ATRNL1: variants seen among roughly 807,000 people sequenced by gnomAD.
ATRNL1 encodes attractin-like protein 1.
A neutral mutation model predicts 182.7 loss-of-function variants in ATRNL1; 95 were observed. The observed-to-expected ratio is 0.52, with a 90% CI of 0.44 to 0.62. The LOEUF (loss-of-function observed/expected upper bound fraction) is 0.62. Ranked by LOEUF, ATRNL1 falls within the 20% of genes least tolerant of loss-of-function variation. ATRNL1 has a pLI of 0.00. For missense variants in ATRNL1, 1,471 were observed against 1,679.5 expected (o/e 0.88, Z 2.17); for synonymous variants, 576 against 568.3 (o/e 1.01, Z -0.19).
At chr10:115,322,101 G>A (rs1195362114) in intron 18 of ATRNL1, among the ~76,000 whole-genome samples, 2 of 151,906 alleles carry the variant, frequency 1.3e-5, no homozygotes, top group African/African-American at 4.8e-5. Context: ...ATTTTAACTT[G>A]TTAAAATATT....
At chr10:115,229,103 G>A (rs1018640937) in intron 9 of ATRNL1, among the ~76,000 whole-genome samples, 1 of 151,978 alleles carries the variant, frequency 6.6e-6, no homozygotes, top group Admixed American at 6.6e-5. Flanking sequence ...TAAAAAGATA[G>A]GTAGTGAATC....
chr10:115,596,203 T>TCAAGCGATTCTCCTGCCTC (rs1454942908), intron 26 of ATRNL1, among the ~76,000 whole-genome samples: 1 of 152,074 alleles, frequency 6.6e-6, no homozygotes, highest in African/African-American at 2.4e-5. Flanking sequence ...CCTCCTGGGT[T>TCAAGCGATTCTCCTGCCTC]CAAGCGATTC....
chr10:115,938,794 A>T (rs572432505), intron 28 of ATRNL1, among the ~76,000 whole-genome samples: 3 of 152,194 alleles, frequency 2.0e-5, no homozygotes, highest in African/African-American at 7.2e-5. Context: ...TGTAGAATCT[A>T]AAAAAGGTGA....
chr10:115,641,130 T>A (rs534696085), intron 26 of ATRNL1, among the ~76,000 whole-genome samples: 11 of 152,252 alleles, frequency 7.2e-5, no homozygotes, highest in African/African-American at 2.4e-4. Context: ...TGCAAGCAGA[T>A]AAGAAGCATA....
chr10:115,416,436 G>C (rs926226224), intron 20 of ATRNL1, among the ~76,000 whole-genome samples: 2 of 152,064 alleles, frequency 1.3e-5, no homozygotes, highest in African/African-American at 4.8e-5. Flanking sequence ...AACCACTTTA[G>C]ATAATATATG....
chr10:115,374,487 T>TCCTTCCTTCTTTCCTTCCTTTCTTCCTC (rs1396890805), intron 19 of ATRNL1, among the ~76,000 whole-genome samples: 1 of 149,736 alleles, frequency 6.7e-6, no homozygotes, highest in Non-Finnish European at 1.5e-5. Flanking sequence ...CTTCCTTCCT[T>TCCTTCCTTCTTTCCTTCCTTTCTTCCTC]CTTTCCTTCC....
chr10:115,534,919 A>T (rs1554989721), intron 25 of ATRNL1, among the ~76,000 whole-genome samples: 2 of 152,180 alleles, frequency 1.3e-5, no homozygotes, highest in Non-Finnish European at 2.9e-5. Context: ...TTCTTTAAGA[A>T]TGTTGTCCTA....
At chr10:115,593,218 G>A (rs557364334) in intron 26 of ATRNL1, among the ~76,000 whole-genome samples, 16 of 152,258 alleles carry the variant, frequency 1.1e-4, no homozygotes, top group Non-Finnish European at 2.1e-4. Flanking sequence ...CCCTTGATAT[G>A]AACATCAATC....
Position 115,944,975 on chromosome 10 carries a change from T to A in ATRNL1, c.*196T>A, listed in dbSNP as rs947758844. On this transcript the variant is annotated 3_prime_UTR_variant, in exon 29 of 29. Transcript: ENST00000355044. ...TTATAAAAGTATTGATGGTCACAGG[T>A]GATAAAGTCAGTTTTTACCACTATC... 2 of 483,726 alleles carry A rather than the reference T, an allele frequency of 4.1e-6. No individual in the cohort carries two copies. Among genetic ancestry groups the A allele is most frequent in the Non-Finnish European group, 6.6e-6 (2 of 300,970 alleles). The allele number at this position is 483,726 out of a possible 1,614,324, so 30.0% of individuals were successfully genotyped here. A position where few individuals can be genotyped will look rare whatever the true frequency, so the allele number is the denominator to read the frequency against.
intron 24 of ATRNL1, among the ~76,000 whole-genome samples, chr10:115,480,464 A>G (rs1204019127): frequency 6.6e-6 from 1 of 151,116 alleles, no homozygotes. Context: ...TTTCTTTTTT[A>G]AAAAAGTTTC....
intron 21 of ATRNL1, among the ~76,000 whole-genome samples, chr10:115,438,111 C>T (rs1447363174): frequency 6.6e-6 from 1 of 151,980 alleles, no homozygotes; most frequent in Non-Finnish European, 1.5e-5. Flanking sequence ...AAAAAATTCA[C>T]ATATAAAATT....
At chr10:115,508,834 C>G (rs1452158378) in intron 24 of ATRNL1, among the ~76,000 whole-genome samples, 1 of 152,010 alleles carries the variant, frequency 6.6e-6, no homozygotes, top group Non-Finnish European at 1.5e-5. Flanking sequence ...ATAGAAGATA[C>G]ATGTCTAACT....
chr10:115,822,926 T>C (rs1950338690), intron 27 of ATRNL1, among the ~76,000 whole-genome samples: 1 of 152,166 alleles, frequency 6.6e-6, no homozygotes, highest in Admixed American at 6.6e-5. Context: ...CCCTAACTCA[T>C]TTTATGAGGC....
chr10:115,314,755 C>T (rs1281773034), intron 17 of ATRNL1, among the ~76,000 whole-genome samples: 1 of 152,136 alleles, frequency 6.6e-6, no homozygotes, highest in Non-Finnish European at 1.5e-5. Context: ...TGGCAAACTT[C>T]ACCATATTCA....
intron 27 of ATRNL1, among the ~76,000 whole-genome samples, chr10:115,791,774 T>G (rs1456960767): frequency 6.6e-6 from 1 of 152,132 alleles, no homozygotes; most frequent in Non-Finnish European, 1.5e-5. Context: ...CACTACTAGA[T>G]GTTTAGATTC....
At chr10:115,439,887 A>G (rs1280529855) in intron 21 of ATRNL1, among the ~76,000 whole-genome samples, 1 of 151,922 alleles carries the variant, frequency 6.6e-6, no homozygotes, top group Non-Finnish European at 1.5e-5. Context: ...TTATTCTTAT[A>G]TGAAAGAATT....
intron 1 of ATRNL1, among the ~76,000 whole-genome samples, chr10:115,095,869 G>A (rs2084999397): frequency 6.6e-6 from 1 of 152,084 alleles, no homozygotes; most frequent in African/African-American, 2.4e-5. Context: ...TTTATATGTA[G>A]GGATATTGGC....
chr10:115,791,232 T>C (rs1372387747), intron 27 of ATRNL1, among the ~76,000 whole-genome samples: 1 of 152,180 alleles, frequency 6.6e-6, no homozygotes, highest in African/African-American at 2.4e-5. Context: ...TGCTTCCCCC[T>C]TCCTCATGCC....
intron 9 of ATRNL1, among the ~76,000 whole-genome samples, chr10:115,240,041 G>C (rs575105975): frequency 6.6e-6 from 1 of 152,092 alleles, no homozygotes; most frequent in African/African-American, 2.4e-5. Flanking sequence ...TGAGGCAGGC[G>C]TGAGGGGGTT....
Sources: allele counts gnomAD v4.1 joint callset (sites outside exome capture counted in the v4.1 genomes callset), GRCh38; gene constraint gnomAD v4.1.1; transcripts MANE v1.5; gene names NCBI Gene and HGNC (gene_info 2026-07-23, HGNC 2026-07-21).